The following APBA2 variants were observed in gnomAD, a reference collection of about 807,000 sequenced individuals.
APBA2 encodes amyloid-beta A4 precursor protein-binding family A member 2.
APBA2 carries 30 observed loss-of-function variants against 75.0 expected under a neutral mutation model. The observed-to-expected ratio is 0.40, with a 90% confidence interval of 0.30 to 0.54. The LOEUF (loss-of-function observed/expected upper bound fraction) is 0.54. Ranked by LOEUF, APBA2 falls within the 20% of genes least tolerant of loss-of-function variation. APBA2 has a pLI of 0.49. For missense variants in APBA2, 801 were observed against 1,016.1 expected (o/e 0.79, Z 2.88); for synonymous variants, 444 against 409.6 (o/e 1.08, Z -1.01).
intron 4 of APBA2, among the ~76,000 whole-genome samples, chr15:29,060,037 C>T (rs908392830): frequency 6.6e-6 from 1 of 152,086 alleles, no homozygotes; most frequent in African/African-American, 2.4e-5. Flanking sequence ...AGTAAAGGAC[C>T]CGTACACATG....
intron 8 of APBA2, among the ~76,000 whole-genome samples, chr15:29,096,455 T>C (rs950287584): frequency 6.6e-6 from 1 of 152,234 alleles, no homozygotes; most frequent in Non-Finnish European, 1.5e-5. Flanking sequence ...ACCTACTTTT[T>C]AGCAAGAGGA....
At chr15:28,904,517 A>T (rs2033038681) in intron 1 of APBA2, among the ~76,000 whole-genome samples, 1 of 152,224 alleles carries the variant, frequency 6.6e-6, no homozygotes, top group South Asian at 2.1e-4. Flanking sequence ...GCAAAATGTT[A>T]AGGCTTTTGA....
At chr15:29,050,630 A>T (rs1158124250) in intron 3 of APBA2, among the ~76,000 whole-genome samples, 1 of 152,160 alleles carries the variant, frequency 6.6e-6, no homozygotes, top group African/African-American at 2.4e-5. Flanking sequence ...AACTTGAATA[A>T]CATTTTAATA....
chr15:28,907,593 A>G (rs1179859750), intron 1 of APBA2, among the ~76,000 whole-genome samples: 1 of 152,212 alleles, frequency 6.6e-6, no homozygotes, highest in Non-Finnish European at 1.5e-5. Flanking sequence ...CGGGATGGTC[A>G]TTGCGGTGTC....
chr15:29,006,138 G>A (rs758808912), intron 3 of APBA2, among the ~76,000 whole-genome samples: 6 of 152,156 alleles, frequency 3.9e-5, no homozygotes, highest in Non-Finnish European at 8.8e-5. Flanking sequence ...AGGAAGAGGT[G>A]AAATTTTCTC....
chr15:29,011,194 A>G (rs887806052), intron 3 of APBA2, among the ~76,000 whole-genome samples: 3 of 152,218 alleles, frequency 2.0e-5, no homozygotes, highest in Non-Finnish European at 4.4e-5. Context: ...GCTGAATAAT[A>G]TTATGTGGTA....
intron 4 of APBA2, among the ~76,000 whole-genome samples, chr15:29,074,157 A>G (rs748275667): frequency 2.8e-4 from 43 of 152,190 alleles, no homozygotes; most frequent in Non-Finnish European, 4.6e-4. Context: ...ACGTAAAGGA[A>G]GTGGAAGTGA....
chr15:29,103,273 G>A (rs921823946), intron 10 of APBA2, among the ~76,000 whole-genome samples: 6 of 152,220 alleles, frequency 3.9e-5, no homozygotes, highest in African/African-American at 1.2e-4. Context: ...TTGGGTAGAT[G>A]AGGCCGCAGG....
intron 1 of APBA2, chr15:28,893,970 C>T (rs1005595824): frequency 6.6e-6 from 1 of 152,262 alleles, no homozygotes; most frequent in Non-Finnish European, 1.5e-5. Flanking sequence ...TTGACTTCGT[C>T]TGGGGAGCTG....
intron 3 of APBA2, among the ~76,000 whole-genome samples, chr15:29,002,934 C>T (rs556636099): frequency 2.8e-4 from 43 of 151,912 alleles, no homozygotes; most frequent in Non-Finnish European, 5.3e-4. Context: ...TACATTTCTG[C>T]GAGAGAGGGG....
chr15:29,078,544 G>C (rs1292068660), intron 6 of APBA2, among the ~76,000 whole-genome samples: 3 of 151,206 alleles, frequency 2.0e-5, no homozygotes, highest in African/African-American at 7.3e-5. Context: ...CCGGGAGGCG[G>C]AGCTTGCAGT....
At chr15:29,017,021 TGA>T (rs2039695756) in intron 3 of APBA2, among the ~76,000 whole-genome samples, 1 of 152,202 alleles carries the variant, frequency 6.6e-6, no homozygotes, top group Admixed American at 6.5e-5. Flanking sequence ...ACAATAATGA[TGA>T]CAGGCAGGCA....
chr15:28,952,089 G>A lies in APBA2; in HGVS notation c.-95+30340G>A, dbSNP rs549940796. ...TCCCATAGCTTTTTTTTGAATGCAC[G>A]ACCCCATCTGGCGGCGAAGCCCTGG... On this transcript the variant is annotated intron_variant, in intron 2 of 14. Transcript: ENST00000683413. 1.3e-4 allele frequency among the ~76,000 whole-genome samples: 19 copies of A among 151,524 alleles called. No individual in the cohort carries two copies. In the South Asian group the frequency reaches 2.9e-3, roughly 23 times the overall value.
chr15:29,040,657 G>A (rs1368206387), intron 3 of APBA2, among the ~76,000 whole-genome samples: 3 of 152,190 alleles, frequency 2.0e-5, no homozygotes, highest in African/African-American at 4.8e-5. Context: ...CTCAACCTGA[G>A]TGGATTTATC....
intron 4 of APBA2, among the ~76,000 whole-genome samples, chr15:29,074,122 C>T (rs1018301258): frequency 2.0e-5 from 3 of 152,060 alleles, no homozygotes; most frequent in South Asian, 2.1e-4. Context: ...ATCCTATGAT[C>T]CAGTGATTTC....
At chr15:29,113,706 A>G (rs540973893) in intron 13 of APBA2, among the ~76,000 whole-genome samples, 170 bp from the exon 14 acceptor site, 1 of 152,360 alleles carries the variant, frequency 6.6e-6, no homozygotes, top group Admixed American at 6.5e-5. Flanking sequence ...CTTGTTTTAA[A>G]GAAACATACT....
At chr15:29,071,085 G>A (rs1293516806) in intron 4 of APBA2, 2 of 456,694 alleles carry the variant, frequency 4.4e-6, no homozygotes, top group African/African-American at 2.0e-5. Context: ...CTATGTTGAC[G>A]ATGGCCTGAG....
intron 3 of APBA2, among the ~76,000 whole-genome samples, chr15:29,002,599 G>C (rs1463582492): frequency 6.6e-6 from 1 of 152,080 alleles, no homozygotes; most frequent in Non-Finnish European, 1.5e-5. Flanking sequence ...GAGACCACCA[G>C]TTACCTCCTG....
chr15:28,991,876 A>T lies in APBA2; in HGVS notation c.-94-3877A>T, dbSNP rs2038253255. Among the ~76,000 whole-genome samples, 1 of 152,184 alleles carries T rather than the reference A, an allele frequency of 6.6e-6. No homozygotes were observed. The highest frequency in any genetic ancestry group is 2.1e-4 in the South Asian group (1 of 4,828). ...CTCTACAACCCAGGCACAGTGCACC[A>T]GAGTTTCCCAAACCTGTGTGCCGAG... On this transcript the variant is annotated intron_variant, in intron 2 of 14. Transcript: ENST00000683413. This position sits in a 1 kb window ranked among gnomAD's most constrained non-coding sequence, Gnocchi z 4.7.
Sources: allele counts gnomAD v4.1 joint callset (sites outside exome capture counted in the v4.1 genomes callset), GRCh38; gene constraint gnomAD v4.1.1; non-coding constraint Gnocchi (gnomAD v3.1); transcripts MANE v1.5; gene names NCBI Gene and HGNC (gene_info 2026-07-23, HGNC 2026-07-21).